Variants in RNF6 observed in about 807,000 individuals in gnomAD.
RNF6 encodes the protein ring finger protein 6.
In RNF6, 21 loss-of-function variants were observed where a neutral mutation model predicts 50.1. That is an observed-to-expected ratio of 0.42 (90% confidence interval 0.30 to 0.60). The LOEUF is 0.60. RNF6 is among the 20% of genes least tolerant of loss of function. RNF6 has a pLI of 0.20. For missense variants in RNF6, 698 were observed against 838.2 expected, an observed-to-expected ratio of 0.83 and a Z score of 2.07; for synonymous variants, 255 against 291.8, an observed-to-expected ratio of 0.87 and a Z score of 1.29.
Position 26,222,085 on chromosome 13 carries a change from G to C in RNF6, c.-184C>G, listed in dbSNP as rs1204468029. 6.6e-6 allele frequency: 1 copy of C among 152,388 alleles called. No homozygotes were observed. The highest frequency in any genetic ancestry group is 2.4e-5 in the African/African-American group (1 of 41,480). The allele number at this position is 152,388 out of a possible 1,614,324, so 9.4% of individuals were successfully genotyped here. A position where few individuals can be genotyped will look rare whatever the true frequency, so the allele number is the denominator to read the frequency against. ...GTTCTCTCGGGTGCTGGAGGCTGTG[G>C]TTGGGAGGCGGGATAGGCTTGCCGC... On this transcript the variant is annotated 5_prime_UTR_variant, in exon 1 of 5. Transcript: ENST00000381588.
intron 5 of RNF6, among the ~76,000 whole-genome samples, chr13:26,159,470 A>G (rs1343455888): frequency 1.3e-5 from 2 of 152,032 alleles, no homozygotes; most frequent in Non-Finnish European, 2.9e-5. Flanking sequence ...TAAAAAATAC[A>G]AAAAATTAAC....
intron 5 of RNF6, among the ~76,000 whole-genome samples, chr13:26,194,132 A>G (rs1868567278): frequency 1.3e-5 from 2 of 152,236 alleles, no homozygotes; most frequent in African/African-American, 2.4e-5. Flanking sequence ...ACTAGTCGAT[A>G]TAGATGAGAA....
At chr13:26,180,645 C>G (rs113102214) in intron 5 of RNF6, among the ~76,000 whole-genome samples, 2,606 of 152,338 alleles carry the variant, frequency 0.017, 61 homozygotes, top group African/African-American at 0.059. Context: ...CTGTCTCTGA[C>G]TTTATGTCCG....
rs146223613 is a variant in RNF6, at chr13:26,214,793, T to C, written c.1089A>G (p.Ala363=). Residue 363 remains alanine, a synonymous_variant, in exon 5 of 5, where the codon GCA becomes GCG. Coordinates refer to ENST00000381588, the MANE Select transcript of RNF6 (RefSeq NM_005977.4). Reference sequence around the variant, plus strand: ...GCCTTGAATTAGAGAATGGGGTATATGCAGTACCTCTGCGTTCTCGTTCTC... The same window carrying C: ...GCCTTGAATTAGAGAATGGGGTATACGCAGTACCTCTGCGTTCTCGTTCTC... The part of the protein sequence containing the change: ...QDRERERRGT[A]YTPFSNSRLV... 2.5e-4 allele frequency: 397 copies of C among 1,614,212 alleles called. No individual in the cohort carries two copies. The African/African-American group carries it at 4.2e-3, about 17-fold the overall frequency.
chr13:26,176,720 G>A (rs1042043539), intron 5 of RNF6, among the ~76,000 whole-genome samples: 9 of 152,224 alleles, frequency 5.9e-5, no homozygotes, highest in African/African-American at 2.2e-4. Flanking sequence ...AACACCTGAG[G>A]TCAGGAGTTC....
At chr13:26,175,400 A>C (rs1210598224) in intron 5 of RNF6, among the ~76,000 whole-genome samples, 1 of 152,080 alleles carries the variant, frequency 6.6e-6, no homozygotes, top group East Asian at 1.9e-4. Context: ...TTTTGAGAGG[A>C]CACCTGACGC....
intron 5 of RNF6, among the ~76,000 whole-genome samples, chr13:26,155,400 T>C (rs574259889): frequency 7.9e-4 from 120 of 152,232 alleles, no homozygotes; most frequent in Admixed American, 3.0e-3. Flanking sequence ...GTTTCTGGTT[T>C]AAAAATCAGA....
chr13:26,186,683 C>T (rs1242807400), intron 5 of RNF6, among the ~76,000 whole-genome samples: 2 of 152,224 alleles, frequency 1.3e-5, no homozygotes, highest in East Asian at 1.9e-4. Context: ...CCACAGGTAG[C>T]GCGTTCCTTC....
intron 4 of RNF6, among the ~76,000 whole-genome samples, chr13:26,217,560 T>C (rs1870022036): frequency 6.6e-6 from 1 of 152,222 alleles, no homozygotes; most frequent in South Asian, 2.1e-4. Context: ...AGCTAGAACC[T>C]AGATATGGTT....
At position 26,215,405 on chromosome 13, in the gene RNF6, A is replaced by G. The variant is rs371536658; in HGVS notation, c.477T>C (p.Asn159=). 18 of 1,613,988 alleles carry G rather than the reference A, an allele frequency of 1.1e-5. No homozygotes were observed. The highest frequency in any genetic ancestry group is 1.4e-5 in the Non-Finnish European group (17 of 1,180,006). Reference sequence around the variant, plus strand: ...CTTCTCCATGAATTTCAAATCCTCTATTTTCATGATTTACGTGGATTTCCA... The same window carrying G: ...CTTCTCCATGAATTTCAAATCCTCTGTTTTCATGATTTACGTGGATTTCCA... ...FSLEIHVNHE[N]RGFEIHGEDY... The change falls in exon 5 of 5, where the codon AAT becomes AAC. Residue 159 remains asparagine, a synonymous_variant. Coordinates refer to ENST00000381588, the MANE Select transcript of RNF6 (RefSeq NM_005977.4).
rs377421033 is a variant in RNF6, at chr13:26,175,332, C to T, written n.768+40142G>A. Among the ~76,000 whole-genome samples the T allele has an allele frequency of 6.0e-4, 91 of 152,248 alleles. 1 individual carries two copies. The highest frequency in any genetic ancestry group is 2.2e-3 in the African/African-American group (90 of 41,560). On this transcript the variant is annotated intron_variant and non_coding_transcript_variant, in intron 5 of 5. Coordinates refer to the RNF6 transcript ENST00000468480. ...CTGGCCTCATGTGATCTGCCTGCCTCGGGCCCCCAAAGTGCTGGGATTACA... is the reference window on the plus strand; with the variant it reads ...CTGGCCTCATGTGATCTGCCTGCCTTGGGCCCCCAAAGTGCTGGGATTACA...
intron 5 of RNF6, among the ~76,000 whole-genome samples, chr13:26,172,705 G>A (rs1046716163): frequency 1.3e-5 from 2 of 151,992 alleles, no homozygotes; most frequent in Non-Finnish European, 2.9e-5. Context: ...CACCATGCCC[G>A]GCTAATTTTC....
At position 26,166,962 on chromosome 13, in the gene RNF6, A is replaced by G. The variant is rs188527; in HGVS notation, n.769-34511T>C. ...TCACTATCACTTGTAAGGCCTCCCA[A>G]GCCATGTGGAACTTAAGTCAATTAA... On this transcript the variant is annotated intron_variant and non_coding_transcript_variant, in intron 5 of 5. Coordinates refer to the RNF6 transcript ENST00000468480. 7.6e-3 allele frequency among the ~76,000 whole-genome samples: 1,157 copies of G among 152,328 alleles called. 14 individuals are homozygous for G. Among genetic ancestry groups the G allele is most frequent in the African/African-American group, 0.021 (881 of 41,570 alleles).
chr13:26,209,917 T>TA (rs1244885285), downstream of RNF6, among the ~76,000 whole-genome samples: 1 of 152,062 alleles, frequency 6.6e-6, no homozygotes, highest in Non-Finnish European at 1.5e-5. Context: ...TAAAAAGGAA[T>TA]AAAAAATATA....
Position 26,203,931 on chromosome 13 carries a change from C to T in RNF6, n.768+11543G>A, listed in dbSNP as rs368880660. ...TCGCGCCACTGCACTCCAGCCTGGGCGACAGAGCGAGACTCGGTCTCAAAC... is the reference window on the plus strand; with the variant it reads ...TCGCGCCACTGCACTCCAGCCTGGGTGACAGAGCGAGACTCGGTCTCAAAC... On this transcript the variant is annotated intron_variant and non_coding_transcript_variant, in intron 5 of 5. Transcript: ENST00000468480. 7.9e-5 allele frequency among the ~76,000 whole-genome samples: 12 copies of T among 152,144 alleles called. No homozygotes were observed. In the East Asian group the frequency reaches 1.2e-3, roughly 15 times the overall value.
At chr13:26,191,076 A>G (rs1229439120) in intron 5 of RNF6, among the ~76,000 whole-genome samples, 1 of 152,192 alleles carries the variant, frequency 6.6e-6, no homozygotes, top group African/African-American at 2.4e-5. Context: ...ATTAAACACT[A>G]ATAAATAGGT....
chr13:26,177,574 G>A (rs1305814870), intron 5 of RNF6, among the ~76,000 whole-genome samples: 1 of 152,150 alleles, frequency 6.6e-6, no homozygotes, highest in East Asian at 1.9e-4. Flanking sequence ...GGCCCTGACA[G>A]TATATGCCCA....
At chr13:26,169,423 C>A (rs1872587454) in intron 5 of RNF6, among the ~76,000 whole-genome samples, 1 of 152,174 alleles carries the variant, frequency 6.6e-6, no homozygotes, top group Non-Finnish European at 1.5e-5. Context: ...GAGGAGCTCC[C>A]TGACCAAGGC....
chr13:26,141,829 T>C (rs939099898), intron 5 of RNF6, among the ~76,000 whole-genome samples: 1 of 152,060 alleles, frequency 6.6e-6, no homozygotes, highest in African/African-American at 2.4e-5. Context: ...TGGAAAAGAA[T>C]TTATGACCAA....
Sources: gnomAD v4.1 joint callset for allele counts (sites outside exome capture counted in the v4.1 genomes callset) on GRCh38, gnomAD v4.1.1 for gene constraint, MANE v1.5 for transcripts, NCBI Gene and HGNC (gene_info 2026-07-23, HGNC 2026-07-21) for gene names.